GPM6B: variants seen among roughly 807,000 people sequenced by gnomAD.
GPM6B encodes glycoprotein M6B.
Under a neutral mutation model 27.2 loss-of-function variants are expected in GPM6B, and 4 were observed. That is an observed-to-expected ratio of 0.15 (90% CI 0.07 to 0.34). The LOEUF is 0.34. GPM6B is among the 10% of genes least tolerant of loss of function. The pLI is 1.00. For missense variants in GPM6B, 183 were observed against 261.9 expected (o/e 0.70, Z 2.08); for synonymous variants, 124 against 103.1 (o/e 1.20, Z -1.23).
intron 1 of GPM6B, among the ~76,000 whole-genome samples, chrX:13,931,469 C>A (rs1399693095): frequency 1.0e-4 from 11 of 105,843 alleles, no homozygotes; most frequent in South Asian, 4.2e-4. Flanking sequence ...GCCTGGGCTA[C>A]AGAGTGAGAC....
At chrX:13,777,839 G>C (rs1427863295) in intron 5 of GPM6B, among the ~76,000 whole-genome samples, 1 of 111,906 alleles carries the variant, frequency 8.9e-6, no homozygotes, top group Non-Finnish European at 1.9e-5. Context: ...CTGTGGCCTT[G>C]CTGTCCAAGC....
intron 2 of GPM6B, among the ~76,000 whole-genome samples, chrX:13,799,192 T>A (rs991028951): frequency 0.047 from 159 of 3,351 alleles, no homozygotes; most frequent in African/African-American, 0.17. Context: ...CCAACCTAAT[T>A]TTTTTTTTTT....
chrX:13,880,707 A>G (rs894857739), intron 1 of GPM6B, among the ~76,000 whole-genome samples: 2 of 105,884 alleles, frequency 1.9e-5, no homozygotes, highest in African/African-American at 7.0e-5. Context: ...ATCAGGTTCT[A>G]TTACTTCCCT....
Position 13,772,676 on chromosome X carries a change from C to T in GPM6B, c.*205G>A. On this transcript the variant is annotated 3_prime_UTR_variant, in exon 8 of 8. Transcript: ENST00000316715. ...AAGTGTTGCCTTTTAAAATGGCTAA[C>T]ATGAAACCTCCAATATTTGTTCTAA... 1 of 351,824 alleles carries T rather than the reference C, an allele frequency of 2.8e-6. No individual in the cohort carries two copies. Among genetic ancestry groups the T allele is most frequent in the Non-Finnish European group, 4.9e-6 (1 of 202,230 alleles). The allele number at this position is 351,824 out of a possible 1,213,427, so 29.0% of individuals were successfully genotyped here.
At chrX:13,826,736 TTTTG>T (rs1035443258) in intron 1 of GPM6B, among the ~76,000 whole-genome samples, 1 of 109,708 alleles carries the variant, frequency 9.1e-6, no homozygotes, top group African/African-American at 3.3e-5. Context: ...AGACCCTGTT[TTTTG>T]TTTTTTTGTT....
chrX:13,805,663 C>T (rs914607100), intron 2 of GPM6B, among the ~76,000 whole-genome samples: 30 of 112,513 alleles, frequency 2.7e-4, no homozygotes, highest in African/African-American at 8.4e-4. Context: ...AATGCTTTTA[C>T]AGGGAACTGC....
intron 2 of GPM6B, among the ~76,000 whole-genome samples, chrX:13,801,607 G>C (rs998879629): frequency 1.1e-4 from 12 of 111,875 alleles, no homozygotes; most frequent in African/African-American, 3.9e-4. Context: ...AAATGGGCCT[G>C]GCTGGTTCCG....
At chrX:13,857,423 A>G (rs1471109591) in intron 1 of GPM6B, among the ~76,000 whole-genome samples, 2 of 112,266 alleles carry the variant, frequency 1.8e-5, no homozygotes, top group Non-Finnish European at 3.8e-5. Flanking sequence ...GTCATATATA[A>G]CTTTCCACCT....
At chrX:13,886,627 C>T (rs1251547674) in intron 1 of GPM6B, among the ~76,000 whole-genome samples, 1 of 102,151 alleles carries the variant, frequency 9.8e-6, no homozygotes, top group South Asian at 4.9e-4. Context: ...GACATGGTCA[C>T]TTCCCCAGCC....
chrX:13,809,410 G>T (rs1008697366), intron 1 of GPM6B, among the ~76,000 whole-genome samples: 1 of 111,722 alleles, frequency 9.0e-6, no homozygotes, highest in African/African-American at 3.3e-5. Flanking sequence ...CTAAAGAAAC[G>T]GTCCAGGTCC....
chrX:13,832,542 T>A (rs2049450921), intron 1 of GPM6B, among the ~76,000 whole-genome samples: 1 of 111,241 alleles, frequency 9.0e-6, no homozygotes, highest in Non-Finnish European at 1.9e-5. Context: ...TGGTCCACGG[T>A]TGGTATAAAA....
chrX:13,938,541 G>A, upstream of GPM6B: 1 of 882,683 alleles, frequency 1.1e-6, no homozygotes, highest in Non-Finnish European at 1.4e-6. Context: ...GGTGAGGGCT[G>A]CGGGGCGTTC....
At chrX:13,894,430 A>G (rs749327802) in intron 1 of GPM6B, among the ~76,000 whole-genome samples, 1 of 112,511 alleles carries the variant, frequency 8.9e-6, no homozygotes, top group South Asian at 3.7e-4. Context: ...AAGTTTATCA[A>G]GCAACCTTCA....
At chrX:13,820,960 G>T (rs1293226141), upstream of GPM6B, among the ~76,000 whole-genome samples, 1 of 111,402 alleles carries the variant, frequency 9.0e-6, no homozygotes, top group East Asian at 2.8e-4. Context: ...TAAAAAGAGG[G>T]TAAAAGAAAC....
chrX:13,843,389 C>T (rs1403658891), intron 1 of GPM6B, among the ~76,000 whole-genome samples: 6 of 112,471 alleles, frequency 5.3e-5, no homozygotes, highest in Non-Finnish European at 1.1e-4. Context: ...ATTATGAACA[C>T]TACTACTATG....
At position 13,772,935 on chromosome X, in the gene GPM6B, C is replaced by T; in HGVS notation, c.933G>A (p.Gln311=). The part of the protein sequence containing the change: ...AYQDIKAKEE[Q]ELQDIQSRSK... ...ACCGAGACTGGATATCTTGCAGTTCCTGTTCTTCCTTTGCTTTGATATCCT... is the reference window on the plus strand; with the variant it reads ...ACCGAGACTGGATATCTTGCAGTTCTTGTTCTTCCTTTGCTTTGATATCCT... Residue 311 remains glutamine (Q), a synonymous_variant, in exon 8 of 8, where the codon CAG becomes CAA. Transcript: ENST00000316715. The T allele has an allele frequency of 8.3e-7, 1 of 1,209,428 alleles. No homozygotes were observed. The highest frequency in any genetic ancestry group is 1.1e-6 in the Non-Finnish European group (1 of 893,470).
At chrX:13,816,566 GAC>G (rs1026559100) in intron 1 of GPM6B, among the ~76,000 whole-genome samples, 1 of 111,068 alleles carries the variant, frequency 9.0e-6, no homozygotes, top group African/African-American at 3.3e-5. Flanking sequence ...AATAAAAAAA[GAC>G]AGTTTCCCCA....
intron 4 of GPM6B, among the ~76,000 whole-genome samples, chrX:13,780,546 A>G (rs1016780651): frequency 7.5e-4 from 84 of 112,318 alleles, no homozygotes; most frequent in African/African-American, 2.6e-3. Context: ...AAAATTACCA[A>G]AAGTTTCAAA....
At chrX:13,843,799 T>A (rs1161770673) in intron 1 of GPM6B, among the ~76,000 whole-genome samples, 1 of 112,353 alleles carries the variant, frequency 8.9e-6, no homozygotes, top group Non-Finnish European at 1.9e-5. Context: ...TTTTAATATA[T>A]TCTGGATGCA....
Sources: allele counts gnomAD v4.1 joint callset (sites outside exome capture counted in the v4.1 genomes callset), GRCh38; gene constraint gnomAD v4.1.1; transcripts MANE v1.5; gene names NCBI Gene and HGNC (gene_info 2026-07-23, HGNC 2026-07-21).